ILDR1: variants seen among roughly 807,000 people sequenced by gnomAD.
The protein encoded by ILDR1 is immunoglobulin-like domain-containing receptor 1.
Under a neutral mutation model 62.4 loss-of-function variants are expected in ILDR1, and 56 were observed. That is an observed-to-expected ratio of 0.90 (90% CI 0.72 to 1.12). ILDR1 has a LOEUF of 1.12. Among genes scored for constraint, ILDR1 ranks in the 50% most tolerant of loss-of-function variants. The probability of loss-of-function intolerance (pLI) is 0.00; values close to 1 mark genes in which losing one functional copy is unlikely to be tolerated. For missense variants in ILDR1, 736 were observed against 710.6 expected, an observed-to-expected ratio of 1.04 and a Z score of -0.41; for synonymous variants, 284 against 277.8, an observed-to-expected ratio of 1.02 and a Z score of -0.22.
intron 5 of ILDR1, among the ~76,000 whole-genome samples, chr3:121,998,672 G>A (rs1255276251): frequency 5.3e-5 from 8 of 152,090 alleles, no homozygotes; most frequent in Admixed American, 3.3e-4. Context: ...GTCTAAGCAG[G>A]CATCTTGGGC....
the ILDR1 span, among the ~76,000 whole-genome samples, chr3:122,047,849 T>G: frequency 2.0e-5 from 3 of 152,232 alleles, no homozygotes; most frequent in Non-Finnish European, 4.4e-5. Context: ...GTACCTCGGA[T>G]GGAAATGCAG....
chr3:121,996,084 A>G, intron 5 of ILDR1, among the ~76,000 whole-genome samples: 1 of 152,128 alleles, frequency 6.6e-6, no homozygotes, highest in Middle Eastern at 3.2e-3. Context: ...CTCTCCTTCC[A>G]TAGCCTCGGG....
At chr3:122,004,381 T>C (rs1008208652) in intron 3 of ILDR1, among the ~76,000 whole-genome samples, 1 of 152,230 alleles carries the variant, frequency 6.6e-6, no homozygotes, top group Non-Finnish European at 1.5e-5. Flanking sequence ...TCCTGTTTGC[T>C]AAATGCTTTA....
chr3:122,035,509 G>C, the ILDR1 span, among the ~76,000 whole-genome samples: 2 of 152,186 alleles, frequency 1.3e-5, no homozygotes, highest in East Asian at 3.8e-4. Flanking sequence ...CAAATTGGAG[G>C]AGAAGCCTGG....
the ILDR1 span, among the ~76,000 whole-genome samples, chr3:122,051,626 GA>G: frequency 6.6e-6 from 1 of 151,938 alleles, no homozygotes; most frequent in African/African-American, 2.4e-5. Context: ...TCTGTTTCTG[GA>G]GACTTATTTT....
At chr3:122,055,174 T>C in the ILDR1 span, among the ~76,000 whole-genome samples, 1 of 152,226 alleles carries the variant, frequency 6.6e-6, no homozygotes, top group Non-Finnish European at 1.5e-5. Context: ...AGATTTTTTA[T>C]TCAGGCTCAT....
At chr3:122,048,830 C>A in the ILDR1 span, among the ~76,000 whole-genome samples, 2 of 151,966 alleles carry the variant, frequency 1.3e-5, no homozygotes, top group African/African-American at 4.8e-5. Context: ...GAGACAGGGT[C>A]TTGCTACGTT....
At chr3:122,045,789 T>C in the ILDR1 span, among the ~76,000 whole-genome samples, 1 of 149,202 alleles carries the variant, frequency 6.7e-6, no homozygotes, top group Non-Finnish European at 1.5e-5. Context: ...TCCTCCATCC[T>C]TTTATTTTGA....
At position 121,987,479 on chromosome 3, in the gene ILDR1, A is replaced by C. The variant is rs901155248; in HGVS notation, c.*888T>G. ...ATAAATTAGATATACAGGTAAAAAA[A>C]GAGCAAGAGGAAAACAAGGCACAGG... On this transcript the variant is annotated 3_prime_UTR_variant, in exon 8 of 8. Transcript: ENST00000344209. 6 of 152,220 alleles carry C rather than the reference A, an allele frequency of 3.9e-5. No homozygotes were observed. Among genetic ancestry groups the C allele is most frequent in the African/African-American group, 1.4e-4 (6 of 41,444 alleles). The allele number at this position is 152,220 out of a possible 1,614,324, so 9.4% of individuals were successfully genotyped here.
chr3:122,023,384 A>G (rs10934571), upstream of ILDR1, among the ~76,000 whole-genome samples: 9,146 of 152,198 alleles, frequency 0.06, 1,242 homozygotes, highest in East Asian at 0.62. Context: ...CCCACCAGCC[A>G]TCACATTTTT....
upstream of ILDR1, among the ~76,000 whole-genome samples, chr3:122,026,990 T>C (rs965036466): frequency 6.6e-6 from 1 of 152,122 alleles, no homozygotes; most frequent in Non-Finnish European, 1.5e-5. Context: ...TCACTGACAT[T>C]TGAATATACC....
upstream of ILDR1, among the ~76,000 whole-genome samples, chr3:122,024,692 A>T: frequency 6.6e-6 from 1 of 152,234 alleles, no homozygotes; most frequent in East Asian, 1.9e-4. Context: ...AAGGGCTATT[A>T]TTATCAATCC....
chr3:122,037,290 A>G, the ILDR1 span, among the ~76,000 whole-genome samples: 1 of 152,220 alleles, frequency 6.6e-6, no homozygotes, highest in Non-Finnish European at 1.5e-5. Context: ...AAAAAGCCTC[A>G]GGCACTCAAC....
Position 122,005,608 on chromosome 3 carries a change from C to T in ILDR1, c.230-215G>A, listed in dbSNP as rs374346486. 3.3e-5 allele frequency among the ~76,000 whole-genome samples: 5 copies of T among 152,050 alleles called. No individual in the cohort carries two copies. The South Asian group carries it at 1.0e-3, about 32-fold the overall frequency. On this transcript the variant is annotated intron_variant, in intron 2 of 7. Coordinates refer to ENST00000344209, the MANE Select transcript of ILDR1 (RefSeq NM_001199799.2). ...ATTTCTAATGAGAATCTGTGTGATA[C>T]CAGACACCACATTTTGAGCAGCCAG...
rs763017162 is a variant in ILDR1 at position 121,993,766 on chromosome 3, C to T, written c.983G>A (p.Arg328Lys). 7 of 1,614,156 alleles carry T rather than the reference C, an allele frequency of 4.3e-6. No individual in the cohort carries two copies. Among genetic ancestry groups the T allele is most frequent in the South Asian group, 2.2e-5 (2 of 91,086 alleles). Reference protein sequence around the residue: ...SSLGSEVVERRIIHLPPLIRD... With the variant: ...SSLGSEVVERKIIHLPPLIRD... Reference sequence around the variant, plus strand: ...GATCAGTGGGGGCAGGTGGATGATTCTGCGTTCCACGACCTCAGAGCCCAG... The same window carrying T: ...GATCAGTGGGGGCAGGTGGATGATTTTGCGTTCCACGACCTCAGAGCCCAG... Residue 328 changes from arginine to lysine, a missense_variant, in exon 7 of 8, where the codon AGA becomes AAA. Transcript: ENST00000344209.
chr3:121,988,452 G>A (rs1188674872), intron 7 of ILDR1, 44 bp from the exon 8 acceptor site: 2 of 1,517,698 alleles, frequency 1.3e-6, no homozygotes, highest in Admixed American at 3.3e-5. Context: ...TCCAGTCAGT[G>A]CAATCCGTCT....
intron 1 of ILDR1, among the ~76,000 whole-genome samples, chr3:122,015,811 A>ATC (rs1036551849): frequency 3.4e-5 from 5 of 148,594 alleles, no homozygotes; most frequent in Non-Finnish European, 7.5e-5. Context: ...TATTTCCAGA[A>ATC]TCTCTCTCTC....
At chr3:122,030,619 G>GT in the ILDR1 span, among the ~76,000 whole-genome samples, 29 of 132,110 alleles carry the variant, frequency 2.2e-4, no homozygotes, top group South Asian at 5.0e-4. Flanking sequence ...AGAGGCAAGG[G>GT]TTTTTCTCTC....
chr3:122,061,339 A>G, the ILDR1 span, among the ~76,000 whole-genome samples: 1 of 152,326 alleles, frequency 6.6e-6, no homozygotes, highest in African/African-American at 2.4e-5. Context: ...CTTTTTTTCA[A>G]GTCTATTTAG....
Sources: gnomAD v4.1 joint callset for allele counts (sites outside exome capture counted in the v4.1 genomes callset) on GRCh38, gnomAD v4.1.1 for gene constraint, MANE v1.5 for transcripts, NCBI Gene and HGNC (gene_info 2026-07-23, HGNC 2026-07-21) for gene names.